The following DBX2 variants were observed in gnomAD, a reference collection of about 807,000 sequenced individuals.
DBX2 encodes homeobox protein DBX2.
In DBX2, 16 loss-of-function variants were observed where a neutral mutation model predicts 17.7. The ratio of observed to expected loss-of-function variants is 0.90; its 90% CI spans 0.61 to 1.37. The LOEUF (loss-of-function observed/expected upper bound fraction) is 1.37, where lower values mean the gene tolerates loss of function less well. Among genes scored for constraint, DBX2 ranks in the 40% most tolerant of loss-of-function variants. DBX2 has a pLI of 0.00. For synonymous variants in DBX2, 255 were observed against 183.8 expected, an observed-to-expected ratio of 1.39 and a Z score of -3.13; for missense variants, 538 against 433.8, an observed-to-expected ratio of 1.24 and a Z score of -2.13.
intron 1 of DBX2, among the ~76,000 whole-genome samples, chr12:45,049,978 G>A (rs940514451): frequency 3.2e-4 from 49 of 152,086 alleles, no homozygotes; most frequent in African/African-American, 1.1e-3. Flanking sequence ...AAATTTAAGA[G>A]TGGAGAAAGC....
At chr12:45,022,298 G>GTTTTTTTTT (rs745546411) in intron 3 of DBX2, among the ~76,000 whole-genome samples, 17 of 82,508 alleles carry the variant, frequency 2.1e-4, no homozygotes, top group African/African-American at 5.0e-4. Flanking sequence ...AATAATAACT[G>GTTTTTTTTT]TTTTTTTTTT....
At chr12:45,019,296 G>T (rs930003704) in intron 3 of DBX2, among the ~76,000 whole-genome samples, 17 of 151,810 alleles carry the variant, frequency 1.1e-4, no homozygotes, top group Admixed American at 2.6e-4. Context: ...AAGACAATAT[G>T]ATAGAAAAAA....
intron 2 of DBX2, among the ~76,000 whole-genome samples, chr12:45,030,925 A>G (rs1946405929): frequency 6.6e-6 from 1 of 152,194 alleles, no homozygotes; most frequent in South Asian, 2.1e-4. Context: ...GAAAGGGATA[A>G]GAGGTCATTT....
chr12:45,033,553 G>A (rs1946420752), intron 2 of DBX2, among the ~76,000 whole-genome samples: 1 of 151,928 alleles, frequency 6.6e-6, no homozygotes. Context: ...TGGTATCCTG[G>A]TTATTTATGT....
At position 45,023,870 on chromosome 12, in the gene DBX2, A is replaced by G; in HGVS notation, c.524T>C (p.Leu175Pro). 3 of 1,581,028 alleles carry G rather than the reference A, an allele frequency of 1.9e-6. No homozygotes were observed. Among genetic ancestry groups the G allele is most frequent in the East Asian group, 4.5e-5 (2 of 44,690 alleles). Residue 175 changes from leucine (L) to proline (P), a missense_variant, in exon 3 of 4, where the codon CTG becomes CCG. Physicochemically the swap from Leu to Pro is moderately conservative, Grantham distance 98 (BLOSUM62 -3). Transcript: ENST00000332700. Reference protein sequence around the residue: ...FPREESMLPLLTQDSNSKARR... With the variant: ...FPREESMLPLPTQDSNSKARR... ...AGCTTTGGAATTAGAGTCCTGTGTC[A>G]GGAGAGGCAGCATGCTCTCTTCTCC...
At chr12:45,025,289 G>A (rs1170752831) in intron 2 of DBX2, among the ~76,000 whole-genome samples, 1 of 152,242 alleles carries the variant, frequency 6.6e-6, no homozygotes, top group Admixed American at 6.5e-5. Context: ...CTTGCTTTGA[G>A]GTTGGAGGAA....
chr12:45,037,439 G>C (rs1473363407), intron 1 of DBX2, among the ~76,000 whole-genome samples: 1 of 152,156 alleles, frequency 6.6e-6, no homozygotes, highest in Non-Finnish European at 1.5e-5. Context: ...CTTAGGGAAA[G>C]AATGAGGATC....
chr12:45,019,648 G>A (rs897315347), intron 3 of DBX2, among the ~76,000 whole-genome samples: 1 of 151,998 alleles, frequency 6.6e-6, no homozygotes. Context: ...ATAAAAATTT[G>A]TGATAGTGAA....
chr12:45,016,582 G>C lies in DBX2; in HGVS notation c.724C>G (p.Arg242Gly). 6.4e-7 allele frequency: 1 copy of C among 1,551,868 alleles called. No individual in the cohort carries two copies. The highest frequency in any genetic ancestry group is 8.7e-7 in the Non-Finnish European group (1 of 1,152,500). The change falls in exon 4 of 4, where the codon CGG becomes GGG. Residue 242 changes from arginine (R) to glycine (G), a missense_variant. Transcript: ENST00000332700. ...AGCACTTCCTTTTCTTTGGAATTCC[G>C]CCATTTCATCCTCCTGTTCTGAAAC... ...IWFQNRRMKWRNSKEKEVLSN... is the reference protein window; with the variant it reads ...IWFQNRRMKWGNSKEKEVLSN...
chr12:45,017,966 CCA>C (rs1946332024), intron 3 of DBX2, among the ~76,000 whole-genome samples: 1 of 152,116 alleles, frequency 6.6e-6, no homozygotes, highest in Non-Finnish European at 1.5e-5. Context: ...GGCTCTCATT[CCA>C]GATTGGCAAA....
intron 1 of DBX2, among the ~76,000 whole-genome samples, chr12:45,048,534 A>G (rs933598147): frequency 6.6e-6 from 1 of 152,222 alleles, no homozygotes; most frequent in African/African-American, 2.4e-5. Context: ...TACACTGCAT[A>G]AAATAATTCC....
At chr12:45,046,322 T>G (rs143094213) in intron 1 of DBX2, among the ~76,000 whole-genome samples, 1 of 152,100 alleles carries the variant, frequency 6.6e-6, no homozygotes, top group African/African-American at 2.4e-5. Context: ...GGTTCTGGTA[T>G]TCTCAAAAAA....
In DBX2 at chr12:45,016,467, C is replaced by T. The variant is rs748951235; in HGVS notation, c.839G>A (p.Trp280Ter). 2 of 1,613,860 alleles carry T rather than the reference C, an allele frequency of 1.2e-6. No individual in the cohort carries two copies. The highest frequency in any genetic ancestry group is 1.7e-6 in the Non-Finnish European group (2 of 1,179,902). ...ACTTGAGTGCTGTTGGGGGACGTCC[C>T]ATATTGAAGGACATGGAGAAGGGAA... ...LGFPSPCPSI[W>*]DVPQQHSSPR... is the part of the protein sequence containing the mutation. The change falls in exon 4 of 4, where the codon TGG (tryptophan) becomes TAG (stop). Residue 280 changes from tryptophan to a stop codon, truncating the protein, a stop_gained. Transcript: ENST00000332700. LOFTEE classifies it low-confidence loss of function (END_TRUNC).
At position 45,016,494 on chromosome 12, in the gene DBX2, C is replaced by T. The variant is rs769979631; in HGVS notation, c.812G>A (p.Gly271Asp). The T allele has an allele frequency of 3.6e-5, 58 of 1,613,796 alleles. No homozygotes were observed. Among genetic ancestry groups the T allele is most frequent in the Non-Finnish European group, 4.9e-5 (58 of 1,179,894 alleles). Residue 271 changes from glycine to aspartate, a missense_variant, in exon 4 of 4, where the codon GGT becomes GAT. Gly to Asp is a moderately conservative substitution (Grantham distance 94). Transcript: ENST00000332700. ...TATTGAAGGACATGGAGAAGGGAAA[C>T]CCAGAGCAGACCGTGAGAGGGGATC... is the stretch of plus-strand genomic sequence containing the variant. ...QEDPLSRSAL[G>D]FPSPCPSIWD...
chr12:45,047,488 G>C (rs913415836), intron 1 of DBX2, among the ~76,000 whole-genome samples: 3 of 152,006 alleles, frequency 2.0e-5, no homozygotes, highest in African/African-American at 7.2e-5. Context: ...TATAGCTATG[G>C]AGTGTGGCTT....
At chr12:45,034,342 C>T (rs902966156) in intron 2 of DBX2, among the ~76,000 whole-genome samples, 9 of 152,110 alleles carry the variant, frequency 5.9e-5, no homozygotes, top group African/African-American at 1.2e-4. Flanking sequence ...CATCATGATA[C>T]GGTATCAGAT....
At chr12:45,035,866 T>A (rs1946437339) in intron 2 of DBX2, among the ~76,000 whole-genome samples, 153 bp downstream of exon 2, 1 of 152,218 alleles carries the variant, frequency 6.6e-6, no homozygotes. Flanking sequence ...TTGATAAATC[T>A]CTGGAAACCT....
chr12:45,019,489 T>C (rs989015535), intron 3 of DBX2, among the ~76,000 whole-genome samples: 3 of 152,090 alleles, frequency 2.0e-5, no homozygotes, highest in African/African-American at 4.8e-5. Context: ...GACTATTTGT[T>C]AGTAAGAGTG....
chr12:45,039,276 G>GGTGT (rs1491416835), intron 1 of DBX2, among the ~76,000 whole-genome samples: 1 of 66,424 alleles, frequency 1.5e-5, no homozygotes, highest in East Asian at 5.0e-4. Flanking sequence ...CTGCATTGAA[G>GGTGT]GTATATATAT....
Sources: gnomAD v4.1 joint callset for allele counts (sites outside exome capture counted in the v4.1 genomes callset) on GRCh38, gnomAD v4.1.1 for gene constraint, MANE v1.5 for transcripts, NCBI Gene and HGNC (gene_info 2026-07-23, HGNC 2026-07-21) for gene names.